The following PTPRD variants were observed in gnomAD, a reference collection of about 807,000 sequenced individuals.
PTPRD encodes the protein receptor-type tyrosine-protein phosphatase delta.
A neutral mutation model predicts 214.5 loss-of-function variants in PTPRD; 34 were observed. The ratio of observed to expected loss-of-function variants is 0.16; its 90% confidence interval spans 0.12 to 0.21. PTPRD has a LOEUF of 0.21. Among genes scored for constraint, PTPRD ranks in the 10% least tolerant of loss-of-function variants. PTPRD has a pLI of 1.00. For synonymous variants in PTPRD, 1,128 were observed against 845.7 expected (o/e 1.33, Z -5.79); for missense variants, 2,545 against 2,398.7 (o/e 1.06, Z -1.27).
At chr9:10,016,054 T>C (rs1175855480) in intron 4 of PTPRD, among the ~76,000 whole-genome samples, 1 of 152,148 alleles carries the variant, frequency 6.6e-6, no homozygotes, top group Non-Finnish European at 1.5e-5. Context: ...CTATTGGTCT[T>C]TGTCCCTCAG....
intron 11 of PTPRD, among the ~76,000 whole-genome samples, chr9:8,900,980 C>T (rs1224859473): frequency 1.3e-5 from 2 of 152,018 alleles, no homozygotes; most frequent in East Asian, 3.9e-4. Context: ...CAGGTAAGTA[C>T]ATGATGATAG....
chr9:10,238,017 C>T (rs2099634559), intron 3 of PTPRD, among the ~76,000 whole-genome samples: 1 of 144,298 alleles, frequency 6.9e-6, no homozygotes, highest in Non-Finnish European at 1.5e-5. Flanking sequence ...GCTACAGGGC[C>T]GAGTTCCCAT....
intron 2 of PTPRD, among the ~76,000 whole-genome samples, chr9:10,530,309 A>G (rs1288252145): frequency 6.6e-6 from 1 of 152,194 alleles, no homozygotes; most frequent in Non-Finnish European, 1.5e-5. Flanking sequence ...ATAGGAGTGT[A>G]CCAAATTAGA....
At chr9:9,314,777 C>T (rs529988993) in intron 9 of PTPRD, among the ~76,000 whole-genome samples, 15 of 152,038 alleles carry the variant, frequency 9.9e-5, no homozygotes, top group Non-Finnish European at 1.2e-4. Flanking sequence ...TTTAACAAAA[C>T]GAATCTAAAA....
chr9:10,338,985 T>C (rs2096891962), intron 3 of PTPRD, among the ~76,000 whole-genome samples: 1 of 151,644 alleles, frequency 6.6e-6, no homozygotes, highest in African/African-American at 2.4e-5. Context: ...TGGATATAAA[T>C]TCAACTGAGC....
At chr9:8,755,742 C>T (rs919475092) in intron 11 of PTPRD, among the ~76,000 whole-genome samples, 1 of 151,986 alleles carries the variant, frequency 6.6e-6, no homozygotes, top group African/African-American at 2.4e-5. Context: ...TTTGAAGAAA[C>T]TAAATTGATC....
chr9:8,707,570 C>T (rs920055269), intron 12 of PTPRD, among the ~76,000 whole-genome samples: 1 of 152,198 alleles, frequency 6.6e-6, no homozygotes, highest in Non-Finnish European at 1.5e-5. Context: ...GAAAGAAGTA[C>T]AGACAAGAAG....
chr9:9,576,150 A>G lies in PTPRD; in HGVS notation c.-286-1369T>C, dbSNP rs533907902. On this transcript the variant is annotated intron_variant, in intron 7 of 45. Coordinates refer to ENST00000381196, the MANE Select transcript of PTPRD (RefSeq NM_002839.4). ...AGACTGTGTTTTTCTCAGTTTATGCATTAAACTGTTTCAACTAGTTTCTAC... is the reference window on the plus strand; with the variant it reads ...AGACTGTGTTTTTCTCAGTTTATGCGTTAAACTGTTTCAACTAGTTTCTAC... Among the ~76,000 whole-genome samples, 5 of 152,278 alleles carry G rather than the reference A, an allele frequency of 3.3e-5. No homozygotes were observed. The East Asian group carries it at 7.7e-4, about 24-fold the overall frequency.
At chr9:10,159,350 G>C (rs1158649754) in intron 3 of PTPRD, among the ~76,000 whole-genome samples, 1 of 151,538 alleles carries the variant, frequency 6.6e-6, no homozygotes, top group East Asian at 1.9e-4. Flanking sequence ...AGCAAATATA[G>C]TCAGGAAAAA....
At chr9:8,961,372 A>G (rs1005213288) in intron 11 of PTPRD, among the ~76,000 whole-genome samples, 5 of 152,128 alleles carry the variant, frequency 3.3e-5, no homozygotes, top group Admixed American at 1.3e-4. Flanking sequence ...CCGTGTCATC[A>G]TGGTCATTTC....
Position 9,872,472 on chromosome 9 carries a change from A to G in PTPRD, c.-368+66035T>C, listed in dbSNP as rs991848857. On this transcript the variant is annotated intron_variant, in intron 5 of 45. Coordinates refer to ENST00000381196, the MANE Select transcript of PTPRD (RefSeq NM_002839.4). ...TTTAATTAGCTGGGCATGGGGGCAC[A>G]TATCTGTAGTCCCAGCTACTCTGGA... Among the ~76,000 whole-genome samples, 9 of 152,092 alleles carry G rather than the reference A, an allele frequency of 5.9e-5. No individual in the cohort carries two copies. The East Asian group carries it at 1.6e-3, about 26-fold the overall frequency.
At chr9:9,273,901 A>C (rs572502032) in intron 9 of PTPRD, among the ~76,000 whole-genome samples, 1 of 151,446 alleles carries the variant, frequency 6.6e-6, no homozygotes, top group East Asian at 2.0e-4. Flanking sequence ...GAGGTTTGTC[A>C]ATATCTATAA....
chr9:8,747,922 C>T (rs1404390636), intron 11 of PTPRD, among the ~76,000 whole-genome samples: 1 of 152,164 alleles, frequency 6.6e-6, no homozygotes, highest in East Asian at 1.9e-4. Flanking sequence ...GTATCTTTAA[C>T]CTCCTTGTTA....
rs539916604 is a variant in PTPRD at position 8,641,128 on chromosome 9, G to C, written c.65-4284C>G. On this transcript the variant is annotated intron_variant, in intron 12 of 45. Coordinates refer to ENST00000381196, the MANE Select transcript of PTPRD (RefSeq NM_002839.4). ...GAATCGTCTGCCTTATTTTGTCATA[G>C]ATATTGTCCAAATTTAAGCCATGCT... is the stretch of plus-strand genomic sequence containing the variant. 8.8e-5 allele frequency among the ~76,000 whole-genome samples: 13 copies of C among 148,474 alleles called. 3 individuals are homozygous for C. The highest frequency in any genetic ancestry group is 3.2e-4 in the African/African-American group (12 of 37,930).
chr9:10,221,997 T>G (rs2099572861), intron 3 of PTPRD, among the ~76,000 whole-genome samples: 1 of 151,686 alleles, frequency 6.6e-6, no homozygotes, highest in African/African-American at 2.4e-5. Flanking sequence ...TTGTTACTTA[T>G]ATCAGAAATA....
intron 10 of PTPRD, among the ~76,000 whole-genome samples, chr9:9,069,613 T>G (rs1253658639): frequency 6.6e-6 from 1 of 152,344 alleles, no homozygotes; most frequent in Admixed American, 6.5e-5. Flanking sequence ...AGCAAAGTTA[T>G]AAACTCTTTT....
chr9:9,859,714 T>TA (rs1348879169), intron 5 of PTPRD, among the ~76,000 whole-genome samples: 1 of 152,198 alleles, frequency 6.6e-6, no homozygotes, highest in African/African-American at 2.4e-5. Flanking sequence ...TCTAGTCTCA[T>TA]ACTGCTGACA....
At chr9:9,503,613 G>T (rs1214518619) in intron 8 of PTPRD, among the ~76,000 whole-genome samples, 1 of 151,756 alleles carries the variant, frequency 6.6e-6, no homozygotes, top group Non-Finnish European at 1.5e-5. Context: ...ATCAATGGTG[G>T]TTATAACAGA....
intron 7 of PTPRD, among the ~76,000 whole-genome samples, chr9:9,712,892 A>C (rs985411383): frequency 6.6e-6 from 1 of 152,218 alleles, no homozygotes; most frequent in Admixed American, 6.5e-5. Context: ...ATAGTGACAG[A>C]AAGAACTGAA....
Sources: allele counts gnomAD v4.1 joint callset (sites outside exome capture counted in the v4.1 genomes callset), GRCh38; gene constraint gnomAD v4.1.1; transcripts MANE v1.5; gene names NCBI Gene and HGNC (gene_info 2026-07-23, HGNC 2026-07-21).